Variants in CALHM5 observed in about 807,000 individuals in gnomAD.
CALHM5 encodes the protein calcium homeostasis modulator family member 5.
CALHM5 carries 17 observed loss-of-function variants against 20.9 expected under a neutral mutation model. The observed-to-expected ratio is 0.82, with a 90% CI of 0.56 to 1.22. The LOEUF is 1.22. CALHM5 is among the 50% of genes most tolerant of loss of function. The pLI, the probability that CALHM5 is intolerant of heterozygous loss-of-function variation, is 0.00. For synonymous variants in CALHM5, 148 were observed against 140.0 expected, an observed-to-expected ratio of 1.06 and a Z score of -0.40; for missense variants, 360 against 364.6, an observed-to-expected ratio of 0.99 and a Z score of 0.10.
Position 116,516,150 on chromosome 6 carries a change from A to G in CALHM5, c.*161A>G. 1 of 899,042 alleles carries G rather than the reference A, an allele frequency of 1.1e-6. No homozygotes were observed. 55.7% of individuals were successfully genotyped at this position (899,042 alleles called of 1,614,324 possible). On this transcript the variant is annotated 3_prime_UTR_variant, in exon 2 of 2. Coordinates refer to ENST00000368599, the MANE Select transcript of CALHM5 (RefSeq NM_153711.5). ...AACTGCTTTGAAGCTCTCAAGTGGA[A>G]CATCAGGATGTGCTCAAATTGATGC... is the stretch of plus-strand genomic sequence containing the variant.
Position 116,513,239 on chromosome 6 carries a change from T to G in CALHM5, c.540+1003T>G, listed in dbSNP as rs1772160137. 4.6e-5 allele frequency among the ~76,000 whole-genome samples: 7 copies of G among 152,202 alleles called. No individual in the cohort carries two copies. In the South Asian group the frequency reaches 1.4e-3, roughly 31 times the overall value. The stretch of plus-strand genomic sequence containing the variant: ...ATCAAGGCAAAATCTGTTTTTAAAA[T>G]CATACACTCCAAAGCTGGTTGGCAG... On this transcript the variant is annotated intron_variant, in intron 1 of 1. Coordinates refer to ENST00000368599, the MANE Select transcript of CALHM5 (RefSeq NM_153711.5).
rs537578007 is a variant in CALHM5, at chr6:116,519,188, G to C, written c.*3199G>C. The C allele has an allele frequency of 2.6e-5, 4 of 152,332 alleles. No individual in the cohort carries two copies. The East Asian group carries it at 7.7e-4, about 29-fold the overall frequency. 9.4% of individuals were successfully genotyped at this position (152,332 alleles called of 1,614,324 possible). ...CTCCCTAGAGGCTGCGCCTGACACA[G>C]GGAGCTGTGTATACATGATTTATTA... On this transcript the variant is annotated 3_prime_UTR_variant, in exon 2 of 2. Coordinates refer to ENST00000368599, the MANE Select transcript of CALHM5 (RefSeq NM_153711.5).
chr6:116,512,887 C>T (rs902401422), intron 1 of CALHM5, among the ~76,000 whole-genome samples: 2 of 152,150 alleles, frequency 1.3e-5, no homozygotes, highest in African/African-American at 4.8e-5. Context: ...TTGTGCTGTA[C>T]AGCTAAAGGG....
chr6:116,513,102 AG>A (rs372360192), intron 1 of CALHM5, among the ~76,000 whole-genome samples: 291 of 152,322 alleles, frequency 1.9e-3, no homozygotes, highest in African/African-American at 6.7e-3. Context: ...ACAAGTGGTA[AG>A]AGTTGATAAG....
chr6:116,512,769 T>C (rs1213332474), intron 1 of CALHM5, among the ~76,000 whole-genome samples: 2 of 152,214 alleles, frequency 1.3e-5, no homozygotes, highest in Non-Finnish European at 2.9e-5. Context: ...GTATAAATAT[T>C]GTCAAGATTG....
chr6:116,513,975 T>C (rs1306654865), intron 1 of CALHM5, among the ~76,000 whole-genome samples: 1 of 152,186 alleles, frequency 6.6e-6, no homozygotes, highest in Non-Finnish European at 1.5e-5. Flanking sequence ...TCACTTACTT[T>C]GGAGAGTTGT....
In CALHM5 at chr6:116,521,367, AC is replaced by A. The variant is rs1367564237; in HGVS notation, c.*5380del. 3.3e-5 allele frequency: 5 copies of A among 152,218 alleles called. No homozygotes were observed. In the East Asian group the frequency reaches 9.7e-4, roughly 29 times the overall value. 9.4% of individuals were successfully genotyped at this position (152,218 alleles called of 1,614,324 possible). On this transcript the variant is annotated 3_prime_UTR_variant, in exon 2 of 2. Coordinates refer to ENST00000368599, the MANE Select transcript of CALHM5 (RefSeq NM_153711.5). ...CAAGTCCCAGTCTGAGGGCCTGAGA[AC>A]CAGGGGAGTTGATGGTACAAATCCC...
At position 116,511,912 on chromosome 6, in the gene CALHM5, G is replaced by C. The variant is rs1772128837; in HGVS notation, c.216G>C (p.Arg72Ser). 2.5e-6 allele frequency: 4 copies of C among 1,613,896 alleles called. No homozygotes were observed. In the African/African-American group the frequency reaches 5.3e-5, roughly 22 times the overall value. ...LLILGFFLNN[R>S]SWRLFTGCCV... ...TCCTGGGATTCTTTCTGAACAATAG[G>C]TCGTGGAGACTCTTCACAGGCTGCT... The change falls in exon 1 of 2, where the codon AGG becomes AGC. Residue 72 changes from arginine (R) to serine (S), a missense_variant. Arg to Ser is a moderately radical substitution (Grantham distance 110). Coordinates refer to ENST00000368599, the MANE Select transcript of CALHM5 (RefSeq NM_153711.5).
In CALHM5 at chr6:116,514,142, G is replaced by A. The variant is rs536005999; in HGVS notation, c.541-1458G>A. Among the ~76,000 whole-genome samples, 7 of 152,120 alleles carry A rather than the reference G, an allele frequency of 4.6e-5. No homozygotes were observed. In the South Asian group the frequency reaches 6.2e-4, roughly 14 times the overall value. On this transcript the variant is annotated intron_variant, in intron 1 of 1. Transcript: ENST00000368599. ...GTATGGAAGCATCCACCAAGCTCTA[G>A]TTTGACTCTGGGTACTGTGAATTGA...
chr6:116,521,122 A>G lies in CALHM5; in HGVS notation c.*5133A>G, dbSNP rs1467923940. On this transcript the variant is annotated 3_prime_UTR_variant, in exon 2 of 2. Coordinates refer to ENST00000368599, the MANE Select transcript of CALHM5 (RefSeq NM_153711.5). ...TGTGTGTATGCGTGTATATATATAT[A>G]TGCTACATATATGAAAGGGGATTTC... 2.0e-5 allele frequency: 3 copies of G among 151,920 alleles called. No homozygotes were observed. The highest frequency in any genetic ancestry group is 3.8e-4 in the East Asian group (2 of 5,196). The allele number at this position is 151,920 out of a possible 1,614,324, so 9.4% of individuals were successfully genotyped here.
Position 116,512,009 on chromosome 6 carries a change from C to T in CALHM5, c.313C>T (p.Leu105=). The T allele has an allele frequency of 6.2e-7, 1 of 1,614,072 alleles. No individual in the cohort carries two copies. The highest frequency in any genetic ancestry group is 1.3e-5 in the African/African-American group (1 of 75,062). ...RFFYVLGQIT[L]SSLVAPVMWL... is the part of the protein sequence containing the mutation. ...CTTCTACGTCCTCGGCCAGATCACT[C>T]TGAGCTCATTGGTGGCTCCAGTGAT... Residue 105 remains leucine (L), a synonymous_variant, in exon 1 of 2, where the codon CTG becomes TTG. Transcript: ENST00000368599.
intron 1 of CALHM5, among the ~76,000 whole-genome samples, chr6:116,513,864 C>T (rs1334762354): frequency 1.3e-5 from 2 of 152,128 alleles, no homozygotes; most frequent in African/African-American, 4.8e-5. Flanking sequence ...AATTGTCTGG[C>T]GTTGGGTTTG....
In CALHM5 at chr6:116,521,535, A is replaced by AGAGC. The variant is rs1239043509; in HGVS notation, c.*5547_*5550dup. 2 of 151,740 alleles carry AGAGC rather than the reference A, an allele frequency of 1.3e-5. No homozygotes were observed. The highest frequency in any genetic ancestry group is 4.8e-5 in the African/African-American group (2 of 41,326). 9.4% of individuals were successfully genotyped at this position (151,740 alleles called of 1,614,324 possible). ...GAGAGAGGGAGAGAGAGAGAGACAG[A>AGAGC]GAGCAAATTTGCCCATCCTCTCCCT... On this transcript the variant is annotated 3_prime_UTR_variant, in exon 2 of 2. Coordinates refer to ENST00000368599, the MANE Select transcript of CALHM5 (RefSeq NM_153711.5).
Position 116,516,143 on chromosome 6 carries a change from A to C in CALHM5, c.*154A>C. ...CAAAGGAAACTGCTTTGAAGCTCTC[A>C]AGTGGAACATCAGGATGTGCTCAAA... On this transcript the variant is annotated 3_prime_UTR_variant, in exon 2 of 2. Transcript: ENST00000368599. 65 of 1,022,818 alleles carry C rather than the reference A, an allele frequency of 6.4e-5. No homozygotes were observed. Among genetic ancestry groups the C allele is most frequent in the Non-Finnish European group, 8.2e-5 (61 of 743,858 alleles). 63.4% of individuals were successfully genotyped at this position (1,022,818 alleles called of 1,614,324 possible).
rs1027137283 is a variant in CALHM5, at chr6:116,520,048, G to A, written c.*4059G>A. 2.0e-5 allele frequency: 3 copies of A among 152,120 alleles called. No individual in the cohort carries two copies. The highest frequency in any genetic ancestry group is 4.4e-5 in the Non-Finnish European group (3 of 68,014). 9.4% of individuals were successfully genotyped at this position (152,120 alleles called of 1,614,324 possible). On this transcript the variant is annotated 3_prime_UTR_variant, in exon 2 of 2. Transcript: ENST00000368599. ...TAAAGTAATGTATTGTAAAATATAT[G>A]TGTCCAAAGCAACTTTTAAAATTTT...
intron 1 of CALHM5, among the ~76,000 whole-genome samples, chr6:116,513,377 G>C (rs1439249191): frequency 6.6e-6 from 1 of 152,158 alleles, no homozygotes; most frequent in East Asian, 1.9e-4. Flanking sequence ...CAAATGTCTT[G>C]TGTCTTTTAT....
At chr6:116,514,923 G>C (rs951708194) in intron 1 of CALHM5, among the ~76,000 whole-genome samples, 1 of 152,188 alleles carries the variant, frequency 6.6e-6, no homozygotes, top group Non-Finnish European at 1.5e-5. Flanking sequence ...AGCCAAAAAA[G>C]TTAGAAGATA....
chr6:116,512,175 A>G lies in CALHM5; in HGVS notation c.479A>G (p.Lys160Arg). 1.9e-6 allele frequency: 3 copies of G among 1,611,746 alleles called. No homozygotes were observed. The highest frequency in any genetic ancestry group is 2.5e-6 in the Non-Finnish European group (3 of 1,179,950). ...GAACTTCACAAAGTATCTTGTGGCA[A>G]AACTAGCATGCTACCTACCGTCAAT... is the stretch of plus-strand genomic sequence containing the variant. ...WEELHKVSCG[K>R]TSMLPTVNEE... The change falls in exon 1 of 2, where the codon AAA becomes AGA. Residue 160 changes from lysine to arginine, a missense_variant. Coordinates refer to ENST00000368599, the MANE Select transcript of CALHM5 (RefSeq NM_153711.5).
intron 1 of CALHM5, chr6:116,512,465 C>A: frequency 5.8e-6 from 3 of 518,834 alleles, no homozygotes; most frequent in East Asian, 3.0e-5. Context: ...AAGAAAATAT[C>A]CACTGGATTG....
Sources: gnomAD v4.1 joint callset for allele counts (sites outside exome capture counted in the v4.1 genomes callset) on GRCh38, gnomAD v4.1.1 for gene constraint, MANE v1.5 for transcripts, NCBI Gene and HGNC (gene_info 2026-07-23, HGNC 2026-07-21) for gene names.